CDC42SE2: variants seen among roughly 807,000 people sequenced by gnomAD.
CDC42SE2 encodes CDC42 small effector protein 2.
A neutral mutation model predicts 11.5 loss-of-function variants in CDC42SE2; 3 were observed. The observed-to-expected ratio is 0.26, with a 90% CI of 0.12 to 0.67. CDC42SE2 has a LOEUF of 0.67. Among genes scored for constraint, CDC42SE2 ranks in the 30% least tolerant of loss-of-function variants. The pLI is 0.80. For synonymous variants in CDC42SE2, 33 were observed against 34.8 expected, an observed-to-expected ratio of 0.95 and a Z score of 0.18; for missense variants, 82 against 106.8, an observed-to-expected ratio of 0.77 and a Z score of 1.02.
chr5:131,255,230 G>GT (rs1269691761), intron 2 of CDC42SE2: 2 of 152,128 alleles, frequency 1.3e-5, no homozygotes, highest in Admixed American at 1.3e-4. Flanking sequence ...GAGATGTGCT[G>GT]TAAGTATAAA....
At chr5:131,245,430 A>G (rs1014349909), upstream of CDC42SE2, 2 of 152,152 alleles carry the variant, frequency 1.3e-5, no homozygotes, top group Non-Finnish European at 2.9e-5. Context: ...GTACATTGAA[A>G]CAATGTGTCA....
intron 2 of CDC42SE2, among the ~76,000 whole-genome samples, chr5:131,342,713 C>A (rs1758740993): frequency 6.6e-6 from 1 of 150,490 alleles, no homozygotes; most frequent in South Asian, 2.1e-4. Context: ...TTCATTGATT[C>A]TTTTTTATTT....
chr5:131,303,033 G>T (rs1757715303), intron 1 of CDC42SE2, among the ~76,000 whole-genome samples: 2 of 152,180 alleles, frequency 1.3e-5, no homozygotes, highest in Non-Finnish European at 2.9e-5. Flanking sequence ...GAGTCTTAGT[G>T]TCGCCACTGG....
intron 3 of CDC42SE2, among the ~76,000 whole-genome samples, chr5:131,381,551 G>C (rs1462175431): frequency 6.6e-6 from 1 of 152,134 alleles, no homozygotes; most frequent in East Asian, 1.9e-4. Flanking sequence ...TCGAACTCTT[G>C]ACCTCAGGTG....
intron 1 of CDC42SE2, among the ~76,000 whole-genome samples, chr5:131,278,809 C>CA (rs1450627808): frequency 1.2e-5 from 1 of 86,486 alleles, no homozygotes; most frequent in African/African-American, 4.7e-5. Context: ...TTTTTAAAGA[C>CA]AGAGTCTGTT....
chr5:131,269,216 G>A (rs1424340835), intron 1 of CDC42SE2, among the ~76,000 whole-genome samples: 1 of 152,144 alleles, frequency 6.6e-6, no homozygotes, highest in East Asian at 1.9e-4. Flanking sequence ...GAAATGCCAA[G>A]AAGACTTGGT....
chr5:131,240,053 T>A, the CDC42SE2 span, among the ~76,000 whole-genome samples: 1 of 152,234 alleles, frequency 6.6e-6, no homozygotes, highest in Non-Finnish European at 1.5e-5. Context: ...CAGTAATCTA[T>A]CTTAGTATCA....
intron 1 of CDC42SE2, among the ~76,000 whole-genome samples, chr5:131,271,467 A>G (rs1161229031): frequency 6.6e-6 from 1 of 152,216 alleles, no homozygotes; most frequent in Non-Finnish European, 1.5e-5. Flanking sequence ...TATTAGGTAT[A>G]CATAGTCTAG....
chr5:131,220,464 C>G, the CDC42SE2 span, among the ~76,000 whole-genome samples: 1 of 152,136 alleles, frequency 6.6e-6, no homozygotes, highest in Non-Finnish European at 1.5e-5. Flanking sequence ...CTCAGCTTCC[C>G]AAAGTGCTAG....
the CDC42SE2 span, among the ~76,000 whole-genome samples, chr5:131,238,601 G>A: frequency 2.1e-3 from 308 of 150,220 alleles, 1 homozygote; most frequent in African/African-American, 7.4e-3. Flanking sequence ...CATGTATCCC[G>A]GAACTTAAAG....
chr5:131,322,565 T>C (rs1758214598), intron 2 of CDC42SE2, among the ~76,000 whole-genome samples: 2 of 152,206 alleles, frequency 1.3e-5, no homozygotes, highest in South Asian at 4.1e-4. Context: ...CAGGCTGGAC[T>C]TGAAGTCGTG....
chr5:131,367,091 T>C (rs1460435080), intron 3 of CDC42SE2, among the ~76,000 whole-genome samples: 1 of 151,390 alleles, frequency 6.6e-6, no homozygotes, highest in East Asian at 1.9e-4. Context: ...GGTCAAAATA[T>C]ACAATCAAAT....
intron 1 of CDC42SE2, among the ~76,000 whole-genome samples, chr5:131,312,061 C>T (rs893720494): frequency 2.0e-5 from 3 of 152,128 alleles, no homozygotes; most frequent in Non-Finnish European, 4.4e-5. Context: ...TGTTTTTTCC[C>T]CATCTTTGTG....
At chr5:131,279,031 T>C (rs1486935209) in intron 1 of CDC42SE2, among the ~76,000 whole-genome samples, 2 of 151,650 alleles carry the variant, frequency 1.3e-5, no homozygotes, top group African/African-American at 4.8e-5. Flanking sequence ...GTGATGCGCA[T>C]GCCTCGATCT....
chr5:131,278,834 G>A (rs1350325347), intron 1 of CDC42SE2, among the ~76,000 whole-genome samples: 1 of 120,332 alleles, frequency 8.3e-6, no homozygotes, highest in Non-Finnish European at 1.7e-5. Flanking sequence ...GCCCAGGCTA[G>A]AGTGCAGTGG....
intron 2 of CDC42SE2, among the ~76,000 whole-genome samples, chr5:131,258,738 G>A (rs34186696): frequency 0.022 from 3,397 of 152,194 alleles, 53 homozygotes; most frequent in Middle Eastern, 0.041. Flanking sequence ...GACCCACCTC[G>A]AATTCCTTTC....
intron 3 of CDC42SE2, among the ~76,000 whole-genome samples, chr5:131,363,141 TAA>T (rs758946677): frequency 7.1e-6 from 1 of 139,930 alleles, no homozygotes; most frequent in Non-Finnish European, 1.6e-5. Flanking sequence ...AGACTCTATC[TAA>T]AAAAAAAAAA....
At chr5:131,372,238 TACTC>T (rs1385721498) in intron 3 of CDC42SE2, among the ~76,000 whole-genome samples, 4 of 152,214 alleles carry the variant, frequency 2.6e-5, no homozygotes, top group African/African-American at 4.8e-5. Context: ...AAAAAGATAT[TACTC>T]AATGCCATTT....
chr5:131,375,562 C>T (rs1406799428), intron 3 of CDC42SE2, among the ~76,000 whole-genome samples: 1 of 152,170 alleles, frequency 6.6e-6, no homozygotes. Flanking sequence ...TAAGCTCTGT[C>T]ACCTGAGGGC....
Sources: gnomAD v4.1 joint callset for allele counts (sites outside exome capture counted in the v4.1 genomes callset) on GRCh38, gnomAD v4.1.1 for gene constraint, MANE v1.5 for transcripts, NCBI Gene and HGNC (gene_info 2026-07-23, HGNC 2026-07-21) for gene names.